KIDINS220: variants seen among roughly 807,000 people sequenced by gnomAD.
KIDINS220 encodes kinase D interacting substrate 220.
KIDINS220 carries 63 observed loss-of-function variants against 157.6 expected under a neutral mutation model. The ratio of observed to expected loss-of-function variants is 0.40; its 90% CI spans 0.33 to 0.49. The LOEUF (loss-of-function observed/expected upper bound fraction) is 0.49, where lower values mean the gene tolerates loss of function less well. KIDINS220 is among the 20% of genes least tolerant of loss of function. The pLI is 0.66. For synonymous variants in KIDINS220, 732 were observed against 783.6 expected (o/e 0.93, Z 1.10); for missense variants, 1,772 against 2,171.2 (o/e 0.82, Z 3.65).
intron 22 of KIDINS220, among the ~76,000 whole-genome samples, chr2:8,763,365 C>G (rs1669027093): frequency 6.6e-6 from 1 of 152,182 alleles, no homozygotes; most frequent in Non-Finnish European, 1.5e-5. Context: ...CTGAGCATCC[C>G]TAATCCAAAA....
intron 18 of KIDINS220, 94 bp downstream of exon 18, chr2:8,779,580 C>A: frequency 1.5e-6 from 2 of 1,363,068 alleles, no homozygotes; most frequent in Admixed American, 2.6e-5. Flanking sequence ...AAACAAAAAC[C>A]AATTCCGTTC....
intron 6 of KIDINS220, among the ~76,000 whole-genome samples, chr2:8,811,208 A>G (rs1468429204): frequency 6.6e-6 from 1 of 152,132 alleles, no homozygotes; most frequent in African/African-American, 2.4e-5. Context: ...TTTAGCTACA[A>G]TGCTATAAAT....
rs1255999177 is a variant in KIDINS220, at chr2:8,747,951, G to T, written c.3464C>A (p.Ser1155Tyr). 3 of 1,605,806 alleles carry T rather than the reference G, an allele frequency of 1.9e-6. No homozygotes were observed. The East Asian group carries it at 6.8e-5, about 36-fold the overall frequency. Residue 1155 changes from serine (S) to tyrosine (Y), a missense_variant, in exon 25 of 30, where the codon TCC (serine) becomes TAC (tyrosine). Transcript: ENST00000256707. ...TGATGGACGTGAGATGAGATGTTGG[G>T]AGCCGCCAGGGTAATACCTTGGCGT... is the stretch of plus-strand genomic sequence containing the variant. ...LYTPRYYPGG[S>Y]QHLISRPSVK...
intron 21 of KIDINS220, among the ~76,000 whole-genome samples, chr2:8,774,642 C>T (rs1326696641): frequency 2.0e-5 from 3 of 152,030 alleles, no homozygotes; most frequent in African/African-American, 7.2e-5. Context: ...CAGGAGGAGC[C>T]TTTTGATGGG....
rs1000142438 is a variant in KIDINS220, at chr2:8,739,264, C to G, written c.3586-2265G>C. Among the ~76,000 whole-genome samples the G allele has an allele frequency of 5.9e-5, 9 of 152,250 alleles. No homozygotes were observed. The South Asian group carries it at 1.9e-3, about 32-fold the overall frequency. Reference sequence around the variant, plus strand: ...ATTATGTAGAATATATATGTTACCTCTGAATTACTTTTAAAAGCTTTTTAA... The same window carrying G: ...ATTATGTAGAATATATATGTTACCTGTGAATTACTTTTAAAAGCTTTTTAA... On this transcript the variant is annotated intron_variant, in intron 26 of 29. Coordinates refer to ENST00000256707, the MANE Select transcript of KIDINS220 (RefSeq NM_020738.4).
chr2:8,798,300 C>A lies in KIDINS220; in HGVS notation c.901G>T (p.Asp301Tyr). The A allele has an allele frequency of 6.4e-7, 1 of 1,553,068 alleles. No individual in the cohort carries two copies. Among genetic ancestry groups the A allele is most frequent in the African/African-American group, 1.4e-5 (1 of 73,676 alleles). ...KYADIDIRGQ[D>Y]NKTALYWAVE... ...GCCCAATACAAAGCAGTTTTATTAT[C>A]CTAGATAATTAAAAAAAACACAATC... Residue 301 changes from aspartate (D) to tyrosine (Y), a missense_variant and splice_region_variant, in exon 10 of 30, where the codon GAT becomes TAT. Around this residue, in one of 3 missense-constraint regions of KIDINS220, gnomAD observed 725 missense variants for 1,017.1 expected, o/e 0.71. Coordinates refer to ENST00000256707, the MANE Select transcript of KIDINS220 (RefSeq NM_020738.4).
chr2:8,726,705 T>C (rs978921171), downstream of KIDINS220, among the ~76,000 whole-genome samples: 1 of 152,180 alleles, frequency 6.6e-6, no homozygotes, highest in African/African-American at 2.4e-5. Context: ...TACAGCACGG[T>C]ACTGAATACT....
At chr2:8,791,556 G>A (rs991239157) in intron 12 of KIDINS220, among the ~76,000 whole-genome samples, 2 of 152,072 alleles carry the variant, frequency 1.3e-5, no homozygotes, top group African/African-American at 4.8e-5. Context: ...GCCAAATTGT[G>A]ACATCATGCT....
chr2:8,788,921 A>G, intron 14 of KIDINS220, 109 bp from the exon 15 acceptor site: 2 of 895,146 alleles, frequency 2.2e-6, no homozygotes, highest in Admixed American at 2.4e-5. Context: ...ATAGCTTCCT[A>G]TGGTCCCATA....
intron 2 of KIDINS220, among the ~76,000 whole-genome samples, chr2:8,824,105 A>G (rs1273053493): frequency 6.6e-6 from 1 of 152,200 alleles, no homozygotes; most frequent in African/African-American, 2.4e-5. Flanking sequence ...ACTCATAAAT[A>G]AAGATAAATA....
At chr2:8,728,304 C>G (rs1212869880), downstream of KIDINS220, among the ~76,000 whole-genome samples, 1 of 151,338 alleles carries the variant, frequency 6.6e-6, no homozygotes, top group Non-Finnish European at 1.5e-5. Flanking sequence ...GCCTGGATGA[C>G]AGAGTGAGAG....
chr2:8,751,140 C>T (rs1667296273), intron 23 of KIDINS220, among the ~76,000 whole-genome samples: 1 of 112,340 alleles, frequency 8.9e-6, no homozygotes, highest in African/African-American at 3.5e-5. Flanking sequence ...GAAGTCATGA[C>T]TGTATGTTAA....
rs769069793 is a variant in KIDINS220, at chr2:8,750,263, G to A, written c.3263C>T (p.Pro1088Leu). ...AYPPLPLHEG[P>L]PRAPSGYSQP... ...GCTGTACCCTGATGGCGCCCTAGGAGGACCCTCATGTAGAGGGAGCGGGGG... is the reference window on the plus strand; with the variant it reads ...GCTGTACCCTGATGGCGCCCTAGGAAGACCCTCATGTAGAGGGAGCGGGGG... Residue 1088 changes from proline (P) to leucine (L), a missense_variant, in exon 24 of 30, where the codon CCT becomes CTT. Physicochemically the swap from Pro to Leu is moderately conservative, Grantham distance 98. Coordinates refer to ENST00000256707, the MANE Select transcript of KIDINS220 (RefSeq NM_020738.4). 2.5e-6 allele frequency: 4 copies of A among 1,613,944 alleles called. No homozygotes were observed. The highest frequency in any genetic ancestry group is 1.3e-5 in the African/African-American group (1 of 75,036).
At chr2:8,778,517 A>G (rs1671271325) in intron 20 of KIDINS220, 122 bp downstream of exon 20, 1 of 764,246 alleles carries the variant, frequency 1.3e-6, no homozygotes, top group Non-Finnish European at 2.3e-6. Flanking sequence ...AAATTCAATG[A>G]TAATGTTTAT....
At chr2:8,743,106 C>G (rs1168132828) in intron 26 of KIDINS220, among the ~76,000 whole-genome samples, 1 of 152,148 alleles carries the variant, frequency 6.6e-6, no homozygotes, top group Non-Finnish European at 1.5e-5. Context: ...CTGCCATTTC[C>G]TAGTGGGAAC....
chr2:8,755,322 T>C lies in KIDINS220; in HGVS notation c.3012-3678A>G, dbSNP rs147433913. 3.9e-5 allele frequency among the ~76,000 whole-genome samples: 6 copies of C among 152,346 alleles called. No homozygotes were observed. In the East Asian group the frequency reaches 1.2e-3, roughly 29 times the overall value. ...TTACAAGCCCCCAGAGCATATATAC[T>C]TTCTTGCATAATATGTATCATAATT... On this transcript the variant is annotated intron_variant, in intron 22 of 29. Coordinates refer to ENST00000256707, the MANE Select transcript of KIDINS220 (RefSeq NM_020738.4).
intron 2 of KIDINS220, among the ~76,000 whole-genome samples, chr2:8,819,454 G>A (rs1677580522): frequency 6.6e-6 from 1 of 152,154 alleles, no homozygotes; most frequent in Admixed American, 6.5e-5. Context: ...ACCCCTAACA[G>A]CAAGCCTCAT....
intron 22 of KIDINS220, among the ~76,000 whole-genome samples, chr2:8,764,938 T>G (rs1669263360): frequency 6.6e-6 from 1 of 152,084 alleles, no homozygotes; most frequent in South Asian, 2.1e-4. Flanking sequence ...GCAATGCAAA[T>G]ATGTATAAGA....
chr2:8,728,653 T>G (rs1189269009), downstream of KIDINS220, among the ~76,000 whole-genome samples: 1 of 152,226 alleles, frequency 6.6e-6, no homozygotes, highest in Non-Finnish European at 1.5e-5. Flanking sequence ...ACCTTTTCTA[T>G]CTACAGGAAC....
Sources: gnomAD v4.1 joint callset for allele counts (sites outside exome capture counted in the v4.1 genomes callset) on GRCh38, gnomAD v4.1.1 for gene constraint, gnomAD v4.1.1 regional missense constraint, MANE v1.5 for transcripts, NCBI Gene and HGNC (gene_info 2026-07-23, HGNC 2026-07-21) for gene names.